The following XKR6 variants were observed in gnomAD, a reference collection of about 807,000 sequenced individuals.
XKR6 encodes XK-related protein 6.
In XKR6, 22 loss-of-function variants were observed where a neutral mutation model predicts 56.7. That is an observed-to-expected ratio of 0.39 (90% CI 0.28 to 0.55). XKR6 has a LOEUF of 0.55. XKR6 is among the 20% of genes least tolerant of loss of function. The pLI is 0.66. For missense variants in XKR6, 852 were observed against 889.0 expected (o/e 0.96, Z 0.53); for synonymous variants, 524 against 387.8 (o/e 1.35, Z -4.13).
intron 1 of XKR6, among the ~76,000 whole-genome samples, chr8:10,926,414 AT>A (rs1455398049): frequency 6.6e-6 from 1 of 152,002 alleles, no homozygotes; most frequent in Non-Finnish European, 1.5e-5. Flanking sequence ...TTCTCTCTAG[AT>A]TCCTAAGGCC....
rs554640782 is a variant in XKR6 at position 11,130,461 on chromosome 8, G to C, written c.764+70115C>G. Among the ~76,000 whole-genome samples, 3 of 152,226 alleles carry C rather than the reference G, an allele frequency of 2.0e-5. No individual in the cohort carries two copies. In the South Asian group the frequency reaches 6.2e-4, roughly 32 times the overall value. On this transcript the variant is annotated intron_variant, in intron 1 of 2. Transcript: ENST00000416569. ...ATCAGGGGCGAGAACCGGGACGTGTGTGTTACACACAGACAGTGCAATGGA... is the reference window on the plus strand; with the variant it reads ...ATCAGGGGCGAGAACCGGGACGTGTCTGTTACACACAGACAGTGCAATGGA...
chr8:10,909,671 T>G (rs1015647647), intron 2 of XKR6, among the ~76,000 whole-genome samples: 4 of 152,198 alleles, frequency 2.6e-5, no homozygotes, highest in African/African-American at 9.7e-5. Context: ...CACAATGCTC[T>G]CCAAACACGG....
intron 1 of XKR6, among the ~76,000 whole-genome samples, chr8:11,057,960 A>C (rs1799728160): frequency 6.6e-6 from 1 of 152,234 alleles, no homozygotes; most frequent in Non-Finnish European, 1.5e-5. Context: ...AAATAGCTTG[A>C]AAATCATTGT....
intron 1 of XKR6, among the ~76,000 whole-genome samples, chr8:10,963,031 G>A (rs1802110047): frequency 6.6e-6 from 1 of 152,160 alleles, no homozygotes; most frequent in Admixed American, 6.5e-5. Flanking sequence ...CTGGTTCCCT[G>A]GCTCCTGCCC....
chr8:11,025,093 G>T (rs572380998), intron 1 of XKR6, among the ~76,000 whole-genome samples: 1 of 152,174 alleles, frequency 6.6e-6, no homozygotes, highest in African/African-American at 2.4e-5. Context: ...CCTTGGAGCC[G>T]ACTGGAGCAT....
intron 1 of XKR6, among the ~76,000 whole-genome samples, chr8:10,963,838 G>T (rs1802135708): frequency 1.3e-5 from 2 of 152,166 alleles, no homozygotes; most frequent in African/African-American, 4.8e-5. Context: ...AGACAAGAAG[G>T]CCCTTCCTAA....
intron 1 of XKR6, among the ~76,000 whole-genome samples, chr8:11,118,567 T>C (rs182462704): frequency 1.8e-3 from 270 of 152,378 alleles, no homozygotes; most frequent in African/African-American, 6.3e-3. Context: ...ATTTATCCAT[T>C]TCTTCTAGAC....
chr8:11,099,753 C>G (rs1310061339), intron 1 of XKR6, among the ~76,000 whole-genome samples: 4 of 152,226 alleles, frequency 2.6e-5, no homozygotes, highest in Non-Finnish European at 5.9e-5. Context: ...CCTGCCCTCC[C>G]TGAGCATATA....
At chr8:11,101,510 T>C (rs1020861349) in intron 1 of XKR6, among the ~76,000 whole-genome samples, 1 of 152,218 alleles carries the variant, frequency 6.6e-6, no homozygotes, top group Non-Finnish European at 1.5e-5. Flanking sequence ...AAAAGTTGTC[T>C]GAATTTTGGA....
intron 1 of XKR6, among the ~76,000 whole-genome samples, chr8:10,980,390 C>A (rs931301729): frequency 1.3e-5 from 2 of 152,174 alleles, no homozygotes; most frequent in Non-Finnish European, 2.9e-5. Context: ...GAGCTATCAA[C>A]AGATATTAAA....
intron 1 of XKR6, among the ~76,000 whole-genome samples, chr8:10,976,965 A>G (rs1802585840): frequency 6.6e-6 from 1 of 152,148 alleles, no homozygotes; most frequent in East Asian, 1.9e-4. Context: ...CCATGGATGC[A>G]GGTCGTCTTC....
intron 1 of XKR6, among the ~76,000 whole-genome samples, chr8:11,095,311 A>C (rs1466415430): frequency 6.6e-6 from 1 of 152,256 alleles, no homozygotes; most frequent in Admixed American, 6.5e-5. Flanking sequence ...GGTTTTAAGA[A>C]TTATATGAAT....
chr8:11,017,683 G>T (rs540771625), intron 1 of XKR6, among the ~76,000 whole-genome samples: 15 of 152,336 alleles, frequency 9.8e-5, no homozygotes, highest in African/African-American at 3.6e-4. Flanking sequence ...AGAGGGCAGG[G>T]AGGGGTGCTG....
intron 1 of XKR6, among the ~76,000 whole-genome samples, chr8:11,155,945 C>T (rs1339127915): frequency 6.6e-6 from 1 of 152,140 alleles, no homozygotes; most frequent in East Asian, 1.9e-4. Context: ...GAAGGAGGCG[C>T]CTATTCTGTG....
chr8:10,954,379 A>G (rs1333157819), intron 1 of XKR6, among the ~76,000 whole-genome samples: 2 of 152,190 alleles, frequency 1.3e-5, no homozygotes, highest in African/African-American at 4.8e-5. Flanking sequence ...GTGGTATCAC[A>G]GTGTGGTTTT....
intron 1 of XKR6, among the ~76,000 whole-genome samples, chr8:11,096,386 G>A (rs1177243141): frequency 6.6e-6 from 1 of 152,168 alleles, no homozygotes; most frequent in Non-Finnish European, 1.5e-5. Flanking sequence ...AGTTTTACAC[G>A]GAAGAGTAGG....
intron 1 of XKR6, among the ~76,000 whole-genome samples, chr8:11,070,371 G>A (rs1469775000): frequency 1.3e-5 from 2 of 152,140 alleles, no homozygotes; most frequent in East Asian, 3.9e-4. Flanking sequence ...TGACTCTAAA[G>A]GAACATTTTT....
intron 1 of XKR6, among the ~76,000 whole-genome samples, chr8:11,177,519 C>T (rs7001976): frequency 1.3e-4 from 20 of 152,276 alleles, no homozygotes; most frequent in African/African-American, 3.6e-4. Flanking sequence ...AGAACATGAC[C>T]GAATTTGGAA....
intron 1 of XKR6, among the ~76,000 whole-genome samples, chr8:10,946,254 A>G (rs1004755752): frequency 2.0e-5 from 3 of 152,040 alleles, no homozygotes; most frequent in South Asian, 2.1e-4. Context: ...GGAAACACGA[A>G]TAGCCGATCC....
Sources: gnomAD v4.1 joint callset for allele counts (sites outside exome capture counted in the v4.1 genomes callset) on GRCh38, gnomAD v4.1.1 for gene constraint, MANE v1.5 for transcripts, NCBI Gene and HGNC (gene_info 2026-07-23, HGNC 2026-07-21) for gene names.